TENM2: variants seen among roughly 807,000 people sequenced by gnomAD.
The protein encoded by TENM2 is teneurin transmembrane protein 2, also known as teneurin-2.
Under a neutral mutation model 245.2 loss-of-function variants are expected in TENM2, and 52 were observed. The observed-to-expected ratio is 0.21, with a 90% CI of 0.17 to 0.27. TENM2 has a LOEUF of 0.27. Ranked by LOEUF, TENM2 falls within the 10% of genes least tolerant of loss-of-function variation. The pLI, the probability that TENM2 is intolerant of heterozygous loss-of-function variation, is 1.00. For synonymous variants in TENM2, 1,363 were observed against 1,438.9 expected (o/e 0.95, Z 1.19); for missense variants, 3,046 against 3,666.8 (o/e 0.83, Z 4.37).
At chr5:167,925,635 T>C (rs760137991) in intron 3 of TENM2, among the ~76,000 whole-genome samples, 4 of 152,182 alleles carry the variant, frequency 2.6e-5, no homozygotes, top group Non-Finnish European at 4.4e-5. Flanking sequence ...AATCATTTTA[T>C]CATAAAGAGG....
At chr5:168,043,583 T>TA (rs1788378181) in intron 5 of TENM2, among the ~76,000 whole-genome samples, 1 of 152,222 alleles carries the variant, frequency 6.6e-6, no homozygotes, top group South Asian at 2.1e-4. Context: ...ATTTGCTGTA[T>TA]AAAAATGCCA....
At chr5:167,169,985 AC>A in the TENM2 span, among the ~76,000 whole-genome samples, 3 of 152,130 alleles carry the variant, frequency 2.0e-5, no homozygotes, top group Non-Finnish European at 2.9e-5. Context: ...GATACCACTG[AC>A]CCATGTTTCT....
intron 23 of TENM2, among the ~76,000 whole-genome samples, chr5:168,221,165 T>C (rs1025792808): frequency 6.6e-6 from 1 of 151,980 alleles, no homozygotes; most frequent in African/African-American, 2.4e-5. Context: ...CAGTGAGAGC[T>C]TCCTTAGGGG....
chr5:167,156,545 C>G, the TENM2 span, among the ~76,000 whole-genome samples: 1 of 152,176 alleles, frequency 6.6e-6, no homozygotes, highest in Non-Finnish European at 1.5e-5. Context: ...TGCTTCATCT[C>G]CAAGTCGGAG....
intron 27 of TENM2, among the ~76,000 whole-genome samples, chr5:168,254,902 C>T (rs957745952): frequency 4.6e-5 from 7 of 152,076 alleles, no homozygotes; most frequent in South Asian, 2.1e-4. Context: ...CAAAAATTAG[C>T]GGGGCATGGT....
chr5:167,486,820 G>T (rs1482295227), intron 2 of TENM2, among the ~76,000 whole-genome samples: 1 of 152,080 alleles, frequency 6.6e-6, no homozygotes, highest in Non-Finnish European at 1.5e-5. Flanking sequence ...GCTCTGGAAA[G>T]ATGAGCTTTA....
the TENM2 span, among the ~76,000 whole-genome samples, chr5:167,247,748 TC>T: frequency 6.6e-6 from 1 of 152,140 alleles, no homozygotes; most frequent in Non-Finnish European, 1.5e-5. Flanking sequence ...GCCTGAGAAA[TC>T]CTTGAATCTA....
At chr5:167,785,808 G>A (rs1764538261) in intron 2 of TENM2, among the ~76,000 whole-genome samples, 1 of 152,190 alleles carries the variant, frequency 6.6e-6, no homozygotes, top group Non-Finnish European at 1.5e-5. Context: ...GGGACAGCAA[G>A]CTCAAATGTC....
chr5:167,599,405 C>T (rs985031027), intron 2 of TENM2, among the ~76,000 whole-genome samples: 9 of 151,982 alleles, frequency 5.9e-5, no homozygotes, highest in African/African-American at 1.7e-4. Context: ...TAAAAATAAA[C>T]CATATAACTC....
chr5:167,956,836 T>G (rs1561980206), intron 4 of TENM2, among the ~76,000 whole-genome samples: 1 of 152,174 alleles, frequency 6.6e-6, no homozygotes, highest in Non-Finnish European at 1.5e-5. Context: ...TTGATCATGG[T>G]GGAGAAGCTT....
At chr5:167,628,930 TAAAA>T (rs1778690062) in intron 2 of TENM2, among the ~76,000 whole-genome samples, 1 of 152,218 alleles carries the variant, frequency 6.6e-6, no homozygotes, top group Non-Finnish European at 1.5e-5. Flanking sequence ...GGCAACCACC[TAAAA>T]GAAGCTTGTC....
chr5:167,906,554 T>C (rs1306686442), intron 3 of TENM2, among the ~76,000 whole-genome samples: 1 of 152,174 alleles, frequency 6.6e-6, no homozygotes, highest in African/African-American at 2.4e-5. Context: ...AGCAATCACC[T>C]GCACCTCCTA....
At chr5:167,669,450 G>A (rs535570071) in intron 2 of TENM2, among the ~76,000 whole-genome samples, 5 of 152,270 alleles carry the variant, frequency 3.3e-5, no homozygotes, top group African/African-American at 7.2e-5. Context: ...GGTTCTATCC[G>A]TTGAAGACAG....
intron 2 of TENM2, among the ~76,000 whole-genome samples, chr5:167,481,509 C>T (rs1343514568): frequency 6.6e-6 from 1 of 152,188 alleles, no homozygotes; most frequent in African/African-American, 2.4e-5. Context: ...TACAAAGGCA[C>T]GGTTCTGTAG....
At chr5:167,153,617 C>T in the TENM2 span, among the ~76,000 whole-genome samples, 1 of 151,470 alleles carries the variant, frequency 6.6e-6, no homozygotes, top group African/African-American at 2.4e-5. Flanking sequence ...CTGTGTTGTT[C>T]AAGGGTCAAC....
intron 2 of TENM2, among the ~76,000 whole-genome samples, chr5:167,716,353 T>C (rs886167626): frequency 1.3e-5 from 2 of 152,230 alleles, no homozygotes; most frequent in Non-Finnish European, 2.9e-5. Context: ...GTTCTCGCTG[T>C]TGCATCGTAT....
At chr5:167,162,195 G>A in the TENM2 span, among the ~76,000 whole-genome samples, 1 of 151,048 alleles carries the variant, frequency 6.6e-6, no homozygotes, top group Non-Finnish European at 1.5e-5. Context: ...ACCAAAGACT[G>A]ACTAAATACC....
chr5:167,848,142 A>G (rs182103626), intron 2 of TENM2, among the ~76,000 whole-genome samples: 144 of 152,336 alleles, frequency 9.5e-4, no homozygotes, highest in African/African-American at 3.3e-3. Context: ...GTAGAGAAAT[A>G]GACTTCAGTG....
At chr5:168,111,878 G>A (rs1794695717) in intron 9 of TENM2, among the ~76,000 whole-genome samples, 2 of 151,906 alleles carry the variant, frequency 1.3e-5, no homozygotes, top group Admixed American at 1.3e-4. Flanking sequence ...TACCTTTATT[G>A]GCAACTTATA....
Sources: allele counts gnomAD v4.1 joint callset (sites outside exome capture counted in the v4.1 genomes callset), GRCh38; gene constraint gnomAD v4.1.1; transcripts MANE v1.5; gene names NCBI Gene and HGNC (gene_info 2026-07-23, HGNC 2026-07-21).